The following CASK variants were observed in gnomAD, a reference collection of about 807,000 sequenced individuals.
CASK encodes calcium/calmodulin dependent serine protein kinase.
CASK carries 4 observed loss-of-function variants against 82.9 expected under a neutral mutation model. The observed-to-expected ratio is 0.05, with a 90% CI of 0.02 to 0.11. CASK has a LOEUF of 0.11. CASK is among the 10% of genes least tolerant of loss of function. CASK has a pLI of 1.00. For synonymous variants in CASK, 259 were observed against 253.5 expected (o/e 1.02, Z -0.20); for missense variants, 358 against 720.9 (o/e 0.50, Z 5.76).
chrX:41,610,825 G>C (rs941046273), intron 11 of CASK, among the ~76,000 whole-genome samples: 8 of 111,150 alleles, frequency 7.2e-5, no homozygotes, highest in Non-Finnish European at 1.3e-4. Flanking sequence ...CATTTACACA[G>C]CCTTAAAAAA....
intron 12 of CASK, among the ~76,000 whole-genome samples, chrX:41,608,779 G>C (rs1477267414): frequency 8.9e-6 from 1 of 112,137 alleles, no homozygotes; most frequent in African/African-American, 3.2e-5. Flanking sequence ...TGAATCTATG[G>C]AACAAAACAA....
chrX:41,799,278 G>A (rs1056348926), intron 2 of CASK, among the ~76,000 whole-genome samples: 1 of 112,220 alleles, frequency 8.9e-6, no homozygotes, highest in Non-Finnish European at 1.9e-5. Context: ...AGTGGCTCAC[G>A]CCTGTAATCC....
At chrX:41,734,266 G>C (rs1360813871) in intron 5 of CASK, among the ~76,000 whole-genome samples, 1 of 111,772 alleles carries the variant, frequency 8.9e-6, no homozygotes, top group African/African-American at 3.3e-5. Context: ...ACATGAGTAG[G>C]TCAGAGTGAC....
intron 3 of CASK, among the ~76,000 whole-genome samples, chrX:41,770,333 C>CT (rs1361880262): frequency 6.5e-5 from 7 of 108,295 alleles, no homozygotes; most frequent in Non-Finnish European, 1.3e-4. Context: ...TCCATCCATC[C>CT]ATCCATCCAT....
chrX:41,866,331 G>A (rs958735535), intron 1 of CASK, among the ~76,000 whole-genome samples: 1 of 112,429 alleles, frequency 8.9e-6, no homozygotes, highest in East Asian at 2.8e-4. Context: ...GCCAGAGAAA[G>A]CAGGCTTTTT....
intron 5 of CASK, among the ~76,000 whole-genome samples, chrX:41,695,122 T>G (rs1320692714): frequency 9.0e-6 from 1 of 111,243 alleles, no homozygotes; most frequent in Non-Finnish European, 1.9e-5. Flanking sequence ...TTGAGTTATT[T>G]TAATATAATA....
At chrX:41,653,020 T>C (rs950258464) in intron 8 of CASK, among the ~76,000 whole-genome samples, 4 of 112,055 alleles carry the variant, frequency 3.6e-5, no homozygotes, top group African/African-American at 1.3e-4. Flanking sequence ...TGTGATACTA[T>C]AGTGTCAGAA....
chrX:41,814,693 T>A (rs5917449), intron 2 of CASK, among the ~76,000 whole-genome samples: 20,734 of 108,847 alleles, frequency 0.19, 1,627 homozygotes, highest in Middle Eastern at 0.29. Context: ...ATACATATGT[T>A]ACAAACCTGC....
intron 22 of CASK, among the ~76,000 whole-genome samples, chrX:41,538,567 G>C (rs1280088419): frequency 3.6e-5 from 4 of 111,776 alleles, no homozygotes; most frequent in Non-Finnish European, 7.5e-5. Context: ...TGTATTTGCT[G>C]TAAAAGCTAC....
chrX:41,615,869 C>T (rs1489804401), intron 11 of CASK, among the ~76,000 whole-genome samples: 2 of 111,682 alleles, frequency 1.8e-5, no homozygotes, highest in Non-Finnish European at 3.8e-5. Flanking sequence ...TCAAGTGATC[C>T]GCCTGCCTCA....
intron 3 of CASK, among the ~76,000 whole-genome samples, chrX:41,750,927 AT>A (rs765519052): frequency 1.8e-5 from 2 of 112,466 alleles, no homozygotes; most frequent in East Asian, 5.6e-4. Flanking sequence ...TTCTGTATGT[AT>A]CTCATGGCAG....
At chrX:41,717,304 C>T (rs5964040) in intron 5 of CASK, among the ~76,000 whole-genome samples, 1,237 of 112,102 alleles carry the variant, frequency 0.011, 17 homozygotes, top group African/African-American at 0.036. Flanking sequence ...AAACTTTTTG[C>T]GGGAGTGCTG....
intron 3 of CASK, among the ~76,000 whole-genome samples, chrX:41,758,151 T>C (rs753766207): frequency 8.2e-4 from 92 of 111,608 alleles, no homozygotes; most frequent in African/African-American, 2.9e-3. Context: ...AAAGTCTTCA[T>C]GGGCTGGGCG....
intron 1 of CASK, among the ~76,000 whole-genome samples, chrX:41,875,772 T>C (rs2071805140): frequency 9.0e-6 from 1 of 111,652 alleles, no homozygotes; most frequent in Non-Finnish European, 1.9e-5. Context: ...TACAATTTGA[T>C]ACTTTAAAAA....
At chrX:41,885,795 G>C (rs1308452381) in intron 1 of CASK, among the ~76,000 whole-genome samples, 1 of 111,600 alleles carries the variant, frequency 9.0e-6, no homozygotes, top group East Asian at 2.8e-4. Context: ...AAAAAGTTCA[G>C]GGTTATACCC....
At position 41,894,751 on chromosome X, in the gene CASK, G is replaced by C. The variant is rs146945055; in HGVS notation, c.59+28179C>G. On this transcript the variant is annotated intron_variant, in intron 1 of 26. Transcript: ENST00000378163. The stretch of plus-strand genomic sequence containing the variant: ...AGGGAAAAACCTGTAAATATTAATA[G>C]ATAAAAGTGGGGGCAGGGATGCTGG... Among the ~76,000 whole-genome samples, 68 of 111,242 alleles carry C rather than the reference G, an allele frequency of 6.1e-4. 1 individual carries two copies. The East Asian group carries it at 0.018, about 30-fold the overall frequency.
chrX:41,841,725 T>A (rs2071043382), intron 2 of CASK, among the ~76,000 whole-genome samples: 1 of 111,205 alleles, frequency 9.0e-6, no homozygotes, highest in South Asian at 3.8e-4. Context: ...GGTTTTGCCA[T>A]GTTGGCCAGG....
At chrX:41,712,927 A>G (rs1425187701) in intron 5 of CASK, among the ~76,000 whole-genome samples, 1 of 111,620 alleles carries the variant, frequency 9.0e-6, no homozygotes, top group Non-Finnish European at 1.9e-5. Context: ...TTCATTCCAG[A>G]GCCAACCAAT....
At chrX:41,601,225 T>C (rs1384668356) in intron 12 of CASK, among the ~76,000 whole-genome samples, 3 of 111,572 alleles carry the variant, frequency 2.7e-5, no homozygotes, top group Non-Finnish European at 5.7e-5. Context: ...CATTGAACTG[T>C]ACACTTAAAC....
Sources: gnomAD v4.1 joint callset for allele counts (sites outside exome capture counted in the v4.1 genomes callset) on GRCh38, gnomAD v4.1.1 for gene constraint, MANE v1.5 for transcripts, NCBI Gene and HGNC (gene_info 2026-07-23, HGNC 2026-07-21) for gene names.